EMCN: variants seen among roughly 807,000 people sequenced by gnomAD.
EMCN encodes MUC-14.
In EMCN, 37 loss-of-function variants were observed where a neutral mutation model predicts 38.4. The ratio of observed to expected loss-of-function variants is 0.96; its 90% confidence interval spans 0.74 to 1.27. EMCN has a LOEUF of 1.27. Ranked by LOEUF, EMCN falls within the 50% of genes most tolerant of loss-of-function variation. The pLI, the probability that EMCN is intolerant of heterozygous loss-of-function variation, is 0.00. For missense variants in EMCN, 318 were observed against 302.8 expected, an observed-to-expected ratio of 1.05 and a Z score of -0.37; for synonymous variants, 95 against 100.8, an observed-to-expected ratio of 0.94 and a Z score of 0.35.
At chr4:100,492,664 T>TA (rs1729113990) in intron 1 of EMCN, among the ~76,000 whole-genome samples, 1 of 151,758 alleles carries the variant, frequency 6.6e-6, no homozygotes, top group Admixed American at 6.6e-5. Flanking sequence ...CAACAATAGA[T>TA]AAAAAACACA....
intron 1 of EMCN, among the ~76,000 whole-genome samples, chr4:100,482,552 G>A (rs1235490488): frequency 6.6e-6 from 1 of 152,124 alleles, no homozygotes; most frequent in Admixed American, 6.6e-5. Flanking sequence ...GAGTGGAGAA[G>A]TGAAAGGTAT....
At position 100,429,400 on chromosome 4, in the gene EMCN, C is replaced by T. The variant is rs574729552; in HGVS notation, c.416-5996G>A. 2.0e-4 allele frequency among the ~76,000 whole-genome samples: 31 copies of T among 152,208 alleles called. No homozygotes were observed. In the South Asian group the frequency reaches 4.4e-3, roughly 21 times the overall value. On this transcript the variant is annotated intron_variant, in intron 5 of 11. Coordinates refer to ENST00000296420, the MANE Select transcript of EMCN (RefSeq NM_016242.4). ...GATTCTTTTCAATCTGTGGCTAGTA[C>T]GTATTTTCACACACAATGGTGCCTC...
At chr4:100,438,382 T>C (rs2110234111) in intron 5 of EMCN, among the ~76,000 whole-genome samples, 1 of 152,204 alleles carries the variant, frequency 6.6e-6, no homozygotes, top group South Asian at 2.1e-4. Flanking sequence ...TAAATGAAAT[T>C]GTTTTTTTCA....
chr4:100,419,198 C>T (rs1348285021), intron 8 of EMCN, among the ~76,000 whole-genome samples: 1 of 152,094 alleles, frequency 6.6e-6, no homozygotes, highest in Non-Finnish European at 1.5e-5. Flanking sequence ...CCACTGTCAA[C>T]CTTGTCCAGA....
intron 1 of EMCN, among the ~76,000 whole-genome samples, chr4:100,512,161 C>T (rs1043936331): frequency 2.6e-5 from 4 of 151,780 alleles, no homozygotes; most frequent in African/African-American, 4.8e-5. Flanking sequence ...TAGGGAAAGA[C>T]ACAACAGGAA....
At chr4:100,416,275 T>G (rs1472322659) in intron 9 of EMCN, among the ~76,000 whole-genome samples, 3 of 152,324 alleles carry the variant, frequency 2.0e-5, no homozygotes, top group South Asian at 4.1e-4. Context: ...TAGTTTGAGT[T>G]GTGTGAAACA....
intron 5 of EMCN, chr4:100,446,056 T>G: frequency 1.0e-6 from 1 of 984,892 alleles, no homozygotes; most frequent in East Asian, 1.1e-4. Context: ...GAAGGATCCT[T>G]CAGTCCCTCC....
At chr4:100,464,482 G>A (rs781300945) in intron 4 of EMCN, among the ~76,000 whole-genome samples, 1 of 151,992 alleles carries the variant, frequency 6.6e-6, no homozygotes, top group Non-Finnish European at 1.5e-5. Flanking sequence ...ATCTTAAGGG[G>A]AAAACATTAA....
chr4:100,429,196 A>G (rs1727132558), intron 5 of EMCN, among the ~76,000 whole-genome samples: 1 of 152,154 alleles, frequency 6.6e-6, no homozygotes, highest in Non-Finnish European at 1.5e-5. Flanking sequence ...CACTCAGGGA[A>G]AGGAGAACAT....
chr4:100,490,216 A>G (rs561528512), intron 1 of EMCN, among the ~76,000 whole-genome samples: 1 of 151,476 alleles, frequency 6.6e-6, no homozygotes, highest in African/African-American at 2.4e-5. Context: ...AAGCTTATAG[A>G]TTAAGAATAT....
intron 1 of EMCN, among the ~76,000 whole-genome samples, chr4:100,510,256 T>C (rs1316649618): frequency 6.6e-6 from 1 of 152,152 alleles, no homozygotes; most frequent in Non-Finnish European, 1.5e-5. Flanking sequence ...TTAATTTGAG[T>C]GATTAGTTTA....
chr4:100,409,803 C>A (rs557921851), intron 11 of EMCN, among the ~76,000 whole-genome samples: 3 of 152,346 alleles, frequency 2.0e-5, no homozygotes, highest in South Asian at 4.1e-4. Flanking sequence ...CAACTAGCTT[C>A]TCTGAACCCA....
At chr4:100,492,131 A>G (rs1010409860) in intron 1 of EMCN, among the ~76,000 whole-genome samples, 1 of 152,222 alleles carries the variant, frequency 6.6e-6, no homozygotes, top group African/African-American at 2.4e-5. Context: ...AGAAAATAGG[A>G]ATAAAAAATT....
In EMCN at chr4:100,423,015, A is replaced by G. The variant is rs1380167672; in HGVS notation, c.568+6T>C. ...TGCCATGAATGAAGGCATTGCTGTT[A>G]CTCACTGGAATAAGACCGGCTGGTT... On this transcript the variant is annotated splice_donor_region_variant and intron_variant, in intron 7 of 11. Transcript: ENST00000296420. 2.7e-5 allele frequency: 44 copies of G among 1,612,066 alleles called. No individual in the cohort carries two copies. The highest frequency in any genetic ancestry group is 3.5e-5 in the Non-Finnish European group (41 of 1,178,852).
intron 1 of EMCN, among the ~76,000 whole-genome samples, chr4:100,495,111 A>T (rs1223969544): frequency 6.6e-6 from 1 of 152,100 alleles, no homozygotes; most frequent in Non-Finnish European, 1.5e-5. Flanking sequence ...ACCACATGGG[A>T]TTTGCAGAAA....
chr4:100,407,357 A>G (rs987611253), intron 11 of EMCN, among the ~76,000 whole-genome samples: 9 of 152,174 alleles, frequency 5.9e-5, no homozygotes, highest in African/African-American at 1.4e-4. Context: ...AGTAGCCAGT[A>G]ATGGTCTTTC....
intron 11 of EMCN, 140 bp from the exon 12 acceptor site, chr4:100,398,513 A>T (rs1191807577): frequency 6.6e-6 from 1 of 152,062 alleles, no homozygotes; most frequent in Admixed American, 6.6e-5. Context: ...ACCTAGTAGA[A>T]TCACTTGACT....
At position 100,465,504 on chromosome 4, in the gene EMCN, C is replaced by A; in HGVS notation, c.295G>T (p.Asp99Tyr). ...ACTGTTACGTTTGAAATGATGGAGT[C>A]ATTCTTCCTGACATCAGTGGTTGTG... The part of the protein sequence containing the change: ...KATTTDVRKN[D>Y]SIISNVTVTS... Residue 99 changes from aspartate to tyrosine, a missense_variant, in exon 4 of 12, where the codon GAC becomes TAC. Asp to Tyr is a radical substitution (Grantham distance 160). Transcript: ENST00000296420. 1 of 1,608,254 alleles carries A rather than the reference C, an allele frequency of 6.2e-7. No individual in the cohort carries two copies. Among genetic ancestry groups the A allele is most frequent in the African/African-American group, 1.3e-5 (1 of 74,886 alleles).
chr4:100,437,349 G>A (rs963764476), intron 5 of EMCN, among the ~76,000 whole-genome samples: 1 of 151,896 alleles, frequency 6.6e-6, no homozygotes, highest in African/African-American at 2.4e-5. Context: ...CCAATTTGTA[G>A]CATGCTGTTT....
Sources: allele counts gnomAD v4.1 joint callset (sites outside exome capture counted in the v4.1 genomes callset), GRCh38; gene constraint gnomAD v4.1.1; transcripts MANE v1.5; gene names NCBI Gene and HGNC (gene_info 2026-07-23, HGNC 2026-07-21).